The following MAP2K4 variants were observed in gnomAD, a reference collection of about 807,000 sequenced individuals.
MAP2K4 encodes mitogen-activated protein kinase kinase 4, also known as dual specificity mitogen-activated protein kinase kinase 4.
In MAP2K4, 4 loss-of-function variants were observed where a neutral mutation model predicts 48.5. The observed-to-expected ratio is 0.08, with a 90% CI of 0.04 to 0.19. The LOEUF (loss-of-function observed/expected upper bound fraction) is 0.19. Among genes scored for constraint, MAP2K4 ranks in the 10% least tolerant of loss-of-function variants. The pLI is 1.00. For missense variants in MAP2K4, 258 were observed against 493.3 expected, an observed-to-expected ratio of 0.52 and a Z score of 4.52; for synonymous variants, 166 against 173.1, an observed-to-expected ratio of 0.96 and a Z score of 0.32.
intron 2 of MAP2K4, among the ~76,000 whole-genome samples, chr17:12,079,090 C>T (rs1971105987): frequency 6.6e-6 from 1 of 152,140 alleles, no homozygotes; most frequent in Non-Finnish European, 1.5e-5. Flanking sequence ...AGATGTAATT[C>T]ACATATTCTG....
intron 2 of MAP2K4, among the ~76,000 whole-genome samples, chr17:12,056,433 AG>A (rs1234410840): frequency 1.1e-4 from 16 of 152,064 alleles, no homozygotes; most frequent in Non-Finnish European, 1.5e-5. Flanking sequence ...AGTTGAGTTC[AG>A]GTTTTATTTT....
intron 4 of MAP2K4, among the ~76,000 whole-genome samples, chr17:12,101,622 T>A (rs1971939728): frequency 6.6e-6 from 1 of 152,150 alleles, no homozygotes; most frequent in Non-Finnish European, 1.5e-5. Context: ...TGGGGGAGCA[T>A]TGATATCTTA....
At chr17:12,139,971 C>G (rs971282812) in intron 10 of MAP2K4, 87 bp downstream of exon 10, 2 of 796,310 alleles carry the variant, frequency 2.5e-6, no homozygotes, top group Non-Finnish European at 1.9e-6. Context: ...CAGTGGGCCT[C>G]TCTGTCATAA....
chr17:12,138,473 A>T (rs1973275283), intron 9 of MAP2K4, among the ~76,000 whole-genome samples: 1 of 152,214 alleles, frequency 6.6e-6, no homozygotes, highest in Admixed American at 6.5e-5. Context: ...GTGGAAGTGG[A>T]TCATCATAAA....
chr17:12,051,185 G>C (rs1324626980), intron 1 of MAP2K4, among the ~76,000 whole-genome samples: 1 of 152,146 alleles, frequency 6.6e-6, no homozygotes, highest in South Asian at 2.1e-4. Context: ...TTTTAAACAA[G>C]CCATTGCATG....
At chr17:12,085,430 A>G (rs1971328721) in intron 3 of MAP2K4, among the ~76,000 whole-genome samples, 1 of 151,696 alleles carries the variant, frequency 6.6e-6, no homozygotes, top group Non-Finnish European at 1.5e-5. Context: ...ATCTGGGTTA[A>G]TCAGGAAAAA....
At chr17:12,109,370 A>T (rs1008225473) in intron 5 of MAP2K4, among the ~76,000 whole-genome samples, 1 of 152,214 alleles carries the variant, frequency 6.6e-6, no homozygotes, top group Non-Finnish European at 1.5e-5. Context: ...CACATGTAAA[A>T]TACTTTGTAT....
At chr17:12,132,890 T>C (rs1973076526) in intron 9 of MAP2K4, among the ~76,000 whole-genome samples, 1 of 152,192 alleles carries the variant, frequency 6.6e-6, no homozygotes, top group South Asian at 2.1e-4. Flanking sequence ...TAGGTAACAA[T>C]AAATGATTAC....
chr17:12,049,902 A>G (rs1970081448), intron 1 of MAP2K4, among the ~76,000 whole-genome samples: 1 of 152,102 alleles, frequency 6.6e-6, no homozygotes, highest in Non-Finnish European at 1.5e-5. Flanking sequence ...CCTACAGTGA[A>G]CTCAGCATTA....
At chr17:12,054,595 A>G (rs1015521239) in intron 1 of MAP2K4, among the ~76,000 whole-genome samples, 3 of 152,142 alleles carry the variant, frequency 2.0e-5, no homozygotes, top group Non-Finnish European at 4.4e-5. Flanking sequence ...TGATTTTTAT[A>G]ATAGTATTTT....
At chr17:12,138,840 G>T (rs1312713437) in intron 9 of MAP2K4, among the ~76,000 whole-genome samples, 1 of 152,164 alleles carries the variant, frequency 6.6e-6, no homozygotes, top group East Asian at 1.9e-4. Context: ...GTGTTGACCT[G>T]CCTTGGAATG....
chr17:12,068,192 A>C (rs547390866), intron 2 of MAP2K4, among the ~76,000 whole-genome samples: 1 of 152,332 alleles, frequency 6.6e-6, no homozygotes, highest in South Asian at 2.1e-4. Context: ...AAGGGTGTAG[A>C]GACAGTTAGG....
chr17:12,131,234 C>CTT (rs11307653), intron 9 of MAP2K4, among the ~76,000 whole-genome samples: 8 of 130,934 alleles, frequency 6.1e-5, no homozygotes, highest in African/African-American at 1.4e-4. Context: ...GGTCACATTT[C>CTT]TTTTTTTTTT....
Position 12,092,918 on chromosome 17 carries a change from C to T in MAP2K4, c.394-2657C>T, listed in dbSNP as rs28923192. The stretch of plus-strand genomic sequence containing the variant: ...GCGGGCGCCTGTAGTCCCAGCTACT[C>T]GGGAGGCTGAGGCAGAAGAATGGCA... On this transcript the variant is annotated intron_variant, in intron 3 of 10. Transcript: ENST00000353533. Among the ~76,000 whole-genome samples the T allele has an allele frequency of 8.1e-3, 1,228 of 151,988 alleles. 16 individuals carry two copies. Among genetic ancestry groups the T allele is most frequent in the African/African-American group, 0.028 (1,151 of 41,436 alleles).
chr17:12,089,198 C>T (rs898529931), intron 3 of MAP2K4, among the ~76,000 whole-genome samples: 3 of 152,136 alleles, frequency 2.0e-5, no homozygotes, highest in African/African-American at 7.2e-5. Flanking sequence ...AGGTGGGAGC[C>T]ACCCTGCCTG....
intron 3 of MAP2K4, among the ~76,000 whole-genome samples, chr17:12,082,496 G>A (rs773987482): frequency 6.6e-6 from 1 of 152,186 alleles, no homozygotes; most frequent in Non-Finnish European, 1.5e-5. Context: ...GTCCTATTTT[G>A]AGAGTTTGTC....
At chr17:12,107,080 G>A (rs1378080332) in intron 4 of MAP2K4, among the ~76,000 whole-genome samples, 3 of 152,066 alleles carry the variant, frequency 2.0e-5, no homozygotes, top group Non-Finnish European at 2.9e-5. Flanking sequence ...TATAATGCAA[G>A]AAATGTTTGA....
intron 2 of MAP2K4, among the ~76,000 whole-genome samples, chr17:12,064,697 C>G (rs897355233): frequency 1.3e-5 from 2 of 152,172 alleles, no homozygotes; most frequent in African/African-American, 4.8e-5. Flanking sequence ...GCCCCTGACC[C>G]AGCAGTCCTA....
chr17:12,115,532 A>T, intron 7 of MAP2K4: 1 of 509,106 alleles, frequency 2.0e-6, no homozygotes, highest in Non-Finnish European at 3.5e-6. Context: ...GGTAGAGGTG[A>T]CGGGCCGGAG....
Sources: allele counts gnomAD v4.1 joint callset (sites outside exome capture counted in the v4.1 genomes callset), GRCh38; gene constraint gnomAD v4.1.1; transcripts MANE v1.5; gene names NCBI Gene and HGNC (gene_info 2026-07-23, HGNC 2026-07-21).